Variants in CDC42BPA observed in about 807,000 individuals in gnomAD.
CDC42BPA encodes the protein CDC42 binding protein kinase alpha, also known as serine/threonine-protein kinase MRCK alpha.
A neutral mutation model predicts 223.5 loss-of-function variants in CDC42BPA; 80 were observed. The ratio of observed to expected loss-of-function variants is 0.36; its 90% CI spans 0.30 to 0.43. CDC42BPA has a LOEUF of 0.43. CDC42BPA is among the 20% of genes least tolerant of loss of function. CDC42BPA has a pLI of 1.00. For synonymous variants in CDC42BPA, 694 were observed against 718.6 expected (o/e 0.97, Z 0.55); for missense variants, 1,743 against 2,099.9 (o/e 0.83, Z 3.32).
chr1:227,048,201 T>C (rs911129080), intron 22 of CDC42BPA, among the ~76,000 whole-genome samples, 191 bp from the exon 23 acceptor site: 1 of 152,122 alleles, frequency 6.6e-6, no homozygotes, highest in African/African-American at 2.4e-5. Flanking sequence ...CTGCCTGCAA[T>C]ATCTACGAAT....
chr1:227,087,689 G>A (rs1482653000), intron 16 of CDC42BPA, among the ~76,000 whole-genome samples: 2 of 152,154 alleles, frequency 1.3e-5, no homozygotes, highest in African/African-American at 4.8e-5. Flanking sequence ...TGTTCAGATA[G>A]TCCTTAATTT....
intron 5 of CDC42BPA, among the ~76,000 whole-genome samples, chr1:227,176,634 C>A (rs150070994): frequency 4.6e-5 from 7 of 152,124 alleles, no homozygotes; most frequent in African/African-American, 1.7e-4. Flanking sequence ...ATGAGCAATA[C>A]CAGTCCTTAT....
At chr1:227,020,133 T>C (rs1398267361) in intron 32 of CDC42BPA, among the ~76,000 whole-genome samples, 2 of 152,152 alleles carry the variant, frequency 1.3e-5, no homozygotes, top group African/African-American at 4.8e-5. Context: ...TGACCTCAGG[T>C]GATCTGCCTG....
intron 31 of CDC42BPA, among the ~76,000 whole-genome samples, chr1:227,024,622 G>C (rs962100086): frequency 6.6e-6 from 1 of 152,084 alleles, no homozygotes; most frequent in Non-Finnish European, 1.5e-5. Flanking sequence ...AAACTATATG[G>C]TATATATAAC....
intron 35 of CDC42BPA, among the ~76,000 whole-genome samples, chr1:227,002,670 C>G (rs1156994936): frequency 6.6e-6 from 1 of 152,192 alleles, no homozygotes; most frequent in African/African-American, 2.4e-5. Context: ...CTGGAGGAAG[C>G]CTGCAGCCAG....
Position 227,040,219 on chromosome 1 carries a change from A to G in CDC42BPA, c.3111T>C (p.Phe1037=). The G allele has an allele frequency of 6.2e-7, 1 of 1,611,316 alleles. No individual in the cohort carries two copies. The highest frequency in any genetic ancestry group is 8.5e-7 in the Non-Finnish European group (1 of 1,177,644). The change falls in exon 24 of 37, where the codon TTT becomes TTC. Residue 1037 remains phenylalanine, a synonymous_variant. Coordinates refer to ENST00000366766, the MANE Select transcript of CDC42BPA (RefSeq NM_001394014.1). The part of the protein sequence containing the change: ...GFPPKRKTHQ[F]FVKSFTTPTK... Reference sequence around the variant, plus strand: ...TAGGAGTAGTAAAAGATTTTACAAAAAACTGGTGAGTCTTGCGCTGCAAAA... The same window carrying G: ...TAGGAGTAGTAAAAGATTTTACAAAGAACTGGTGAGTCTTGCGCTGCAAAA...
At position 227,074,383 on chromosome 1, in the gene CDC42BPA, A is replaced by G; in HGVS notation, c.2481-19T>C. On this transcript the variant is annotated intron_variant, in intron 17 of 36. Transcript: ENST00000366766. ...GCTGACCCTAGAATATATAAAGACA[A>G]AGTACAAAAGTAAAACAAAAAAGCT... 1 of 1,561,178 alleles carries G rather than the reference A, an allele frequency of 6.4e-7. No homozygotes were observed. The highest frequency in any genetic ancestry group is 8.7e-7 in the Non-Finnish European group (1 of 1,143,762).
chr1:227,145,561 A>C lies in CDC42BPA; in HGVS notation c.1071T>G (p.Pro357=). Residue 357 remains proline, a synonymous_variant, in exon 8 of 37, where the codon CCT becomes CCG. Coordinates refer to ENST00000366766, the MANE Select transcript of CDC42BPA (RefSeq NM_001394014.1). Reference sequence around the variant, plus strand: ...TTGGGCTACTAACTTCTGGAATATAAGGTGCTTCACAGTTCCGAATATTAT... The same window carrying C: ...TTGGGCTACTAACTTCTGGAATATACGGTGCTTCACAGTTCCGAATATTAT... ...DWDNIRNCEA[P]YIPEVSSPTD... 6.2e-7 allele frequency: 1 copy of C among 1,613,394 alleles called. No individual in the cohort carries two copies. Among genetic ancestry groups the C allele is most frequent in the Non-Finnish European group, 8.5e-7 (1 of 1,179,430 alleles).
intron 2 of CDC42BPA, among the ~76,000 whole-genome samples, chr1:227,223,691 A>G (rs191002373): frequency 1.2e-3 from 183 of 152,340 alleles, no homozygotes; most frequent in African/African-American, 3.9e-3. Context: ...TTTCTAGAAG[A>G]GTTCTAACTA....
chr1:227,077,029 C>A (rs1216809221), intron 17 of CDC42BPA, among the ~76,000 whole-genome samples: 3 of 152,160 alleles, frequency 2.0e-5, no homozygotes, highest in African/African-American at 7.2e-5. Flanking sequence ...TTAATCCTTC[C>A]CTTCCAAGTT....
At chr1:227,188,607 T>C (rs12131061) in intron 5 of CDC42BPA, among the ~76,000 whole-genome samples, 17,010 of 152,120 alleles carry the variant, frequency 0.11, 1,217 homozygotes, top group South Asian at 0.21. Flanking sequence ...GAAAAGTCTA[T>C]AAACTGTACG....
chr1:227,095,025 A>G (rs1683735839), intron 15 of CDC42BPA, among the ~76,000 whole-genome samples: 1 of 152,242 alleles, frequency 6.6e-6, no homozygotes, highest in Non-Finnish European at 1.5e-5. Context: ...AAATGACAGC[A>G]GAAAATGCCA....
At chr1:227,202,281 C>T (rs1380422780) in intron 3 of CDC42BPA, among the ~76,000 whole-genome samples, 5 of 152,198 alleles carry the variant, frequency 3.3e-5, no homozygotes, top group Non-Finnish European at 7.3e-5. Flanking sequence ...CACACCCGGC[C>T]GCTCTGGTTC....
chr1:227,307,691 G>A (rs766414195), intron 1 of CDC42BPA, among the ~76,000 whole-genome samples: 23 of 152,108 alleles, frequency 1.5e-4, no homozygotes, highest in Non-Finnish European at 2.4e-4. Flanking sequence ...AAACACTAGT[G>A]TACATTAAGT....
At chr1:227,150,648 A>G (rs1277755731) in intron 6 of CDC42BPA, among the ~76,000 whole-genome samples, 1 of 152,168 alleles carries the variant, frequency 6.6e-6, no homozygotes, top group Non-Finnish European at 1.5e-5. Context: ...ATGAACAAAG[A>G]TATTAGTAAA....
chr1:227,042,651 TC>T (rs1402202323), intron 23 of CDC42BPA, among the ~76,000 whole-genome samples: 3 of 152,186 alleles, frequency 2.0e-5, no homozygotes, highest in African/African-American at 7.2e-5. Flanking sequence ...GAATGATCGA[TC>T]TTAGAGTCTA....
intron 1 of CDC42BPA, among the ~76,000 whole-genome samples, chr1:227,290,840 G>C (rs1689571177): frequency 6.6e-6 from 1 of 152,114 alleles, no homozygotes; most frequent in Non-Finnish European, 1.5e-5. Context: ...ACAGGTGGTG[G>C]GGTGGGAAGG....
At chr1:227,260,751 G>A (rs910200321) in intron 1 of CDC42BPA, among the ~76,000 whole-genome samples, 3 of 150,990 alleles carry the variant, frequency 2.0e-5, no homozygotes, top group South Asian at 2.1e-4. Context: ...TTTCTCCAGT[G>A]GGTTTCCATT....
intron 10 of CDC42BPA, among the ~76,000 whole-genome samples, chr1:227,138,283 T>G (rs188362047): frequency 6.6e-6 from 1 of 152,132 alleles, no homozygotes; most frequent in African/African-American, 2.4e-5. Flanking sequence ...TTACATCCTT[T>G]ATTTTAGAGA....
Sources: allele counts gnomAD v4.1 joint callset (sites outside exome capture counted in the v4.1 genomes callset), GRCh38; gene constraint gnomAD v4.1.1; transcripts MANE v1.5; gene names NCBI Gene and HGNC (gene_info 2026-07-23, HGNC 2026-07-21).